Variants in SGCZ observed in about 807,000 individuals in gnomAD.
SGCZ encodes zeta-sarcoglycan.
In SGCZ, 40 loss-of-function variants were observed where a neutral mutation model predicts 41.3. That is an observed-to-expected ratio of 0.97 (90% CI 0.75 to 1.26). The LOEUF is 1.26. Among genes scored for constraint, SGCZ ranks in the 50% most tolerant of loss-of-function variants. The pLI is 0.00. For synonymous variants in SGCZ, 206 were observed against 137.5 expected (o/e 1.50, Z -3.49); for missense variants, 552 against 369.8 (o/e 1.49, Z -4.04).
chr8:14,413,698 T>C (rs1040697437), intron 2 of SGCZ, among the ~76,000 whole-genome samples: 26 of 152,036 alleles, frequency 1.7e-4, no homozygotes, highest in African/African-American at 5.6e-4. Context: ...ATTTCCTTTT[T>C]TGAGAGCACT....
Position 14,710,495 on chromosome 8 carries a change from C to G in SGCZ, c.40-155569G>C, listed in dbSNP as rs1011580708. 4.6e-4 allele frequency among the ~76,000 whole-genome samples: 70 copies of G among 151,782 alleles called. 1 individual carries two copies. Among genetic ancestry groups the G allele is most frequent in the African/African-American group, 1.2e-3 (50 of 41,374 alleles). On this transcript the variant is annotated intron_variant, in intron 1 of 7. Coordinates refer to ENST00000382080, the MANE Select transcript of SGCZ (RefSeq NM_139167.4). ...CTTCAAGTGATTCTGAGAAACCGATCCTTGGCCTATGATTAATAATTTAGA... is the reference window on the plus strand; with the variant it reads ...CTTCAAGTGATTCTGAGAAACCGATGCTTGGCCTATGATTAATAATTTAGA...
At chr8:14,880,330 T>G (rs985775988) in intron 1 of SGCZ, among the ~76,000 whole-genome samples, 8 of 152,030 alleles carry the variant, frequency 5.3e-5, no homozygotes, top group Non-Finnish European at 7.4e-5. Flanking sequence ...TGTGGAGAAA[T>G]AGGAACACTT....
At chr8:14,230,206 G>C (rs895938475) in intron 4 of SGCZ, among the ~76,000 whole-genome samples, 6 of 151,946 alleles carry the variant, frequency 3.9e-5, no homozygotes, top group Admixed American at 1.3e-4. Context: ...TCATTATTTA[G>C]ACTTGGAACA....
chr8:14,347,666 T>C (rs1007891158), intron 2 of SGCZ, among the ~76,000 whole-genome samples: 11 of 151,790 alleles, frequency 7.2e-5, no homozygotes. Flanking sequence ...CAAGATTAAA[T>C]AAAATTATTT....
At chr8:14,509,362 A>G (rs1182011545) in intron 2 of SGCZ, among the ~76,000 whole-genome samples, 1 of 152,214 alleles carries the variant, frequency 6.6e-6, no homozygotes, top group South Asian at 2.1e-4. Context: ...TTTGCAACTT[A>G]AATGCAAAAG....
intron 4 of SGCZ, among the ~76,000 whole-genome samples, chr8:14,170,879 T>C (rs1350105025): frequency 6.6e-6 from 1 of 152,088 alleles, no homozygotes; most frequent in African/African-American, 2.4e-5. Context: ...GTAGAATCAA[T>C]GAATACTTAA....
rs1285196530 is a variant in SGCZ at position 14,953,620 on chromosome 8, T to C, written c.39+283965A>G. Among the ~76,000 whole-genome samples, 4 of 152,268 alleles carry C rather than the reference T, an allele frequency of 2.6e-5. No homozygotes were observed. The East Asian group carries it at 7.7e-4, about 29-fold the overall frequency. ...GACCCCAGCTCTGAAGACAGATGTGTAGTTCTCCGGTTCATTTCACCACTT... is the reference window on the plus strand; with the variant it reads ...GACCCCAGCTCTGAAGACAGATGTGCAGTTCTCCGGTTCATTTCACCACTT... On this transcript the variant is annotated intron_variant, in intron 1 of 7. Coordinates refer to ENST00000382080, the MANE Select transcript of SGCZ (RefSeq NM_139167.4).
intron 1 of SGCZ, among the ~76,000 whole-genome samples, chr8:14,867,240 A>C (rs1223867509): frequency 6.6e-6 from 1 of 152,128 alleles, no homozygotes; most frequent in African/African-American, 2.4e-5. Flanking sequence ...GAAGTAGGAT[A>C]ATGGTCTCGA....
intron 1 of SGCZ, among the ~76,000 whole-genome samples, chr8:15,050,395 A>G (rs1165102064): frequency 6.6e-6 from 1 of 152,172 alleles, no homozygotes; most frequent in Non-Finnish European, 1.5e-5. Flanking sequence ...ACCTTGGAAG[A>G]AAAGGGATCG....
chr8:14,315,026 C>T (rs12546389), intron 3 of SGCZ, among the ~76,000 whole-genome samples: 101,492 of 152,010 alleles, frequency 0.67, 34,455 homozygotes, highest in Non-Finnish European at 0.75. Flanking sequence ...ATATTTGCTA[C>T]GGATTAATTA....
chr8:14,433,317 G>C (rs1160040654), intron 2 of SGCZ, among the ~76,000 whole-genome samples: 1 of 152,124 alleles, frequency 6.6e-6, no homozygotes, highest in East Asian at 1.9e-4. Flanking sequence ...TAGTGATTAA[G>C]TGTCCACTCT....
intron 4 of SGCZ, among the ~76,000 whole-genome samples, chr8:14,186,143 T>C (rs1281260411): frequency 1.3e-5 from 2 of 152,216 alleles, no homozygotes; most frequent in Admixed American, 6.5e-5. Flanking sequence ...CTCAGGTTCC[T>C]TTTCTGTAAT....
chr8:14,735,893 G>A (rs1799014241), intron 1 of SGCZ, among the ~76,000 whole-genome samples: 1 of 152,074 alleles, frequency 6.6e-6, no homozygotes, highest in Non-Finnish European at 1.5e-5. Context: ...GAGGCACCAA[G>A]AGCGAGTAAA....
chr8:15,034,684 AACCAAGAGAGG>A lies in SGCZ; in HGVS notation c.39+202890_39+202900del, dbSNP rs1803808092. Among the ~76,000 whole-genome samples the A allele has an allele frequency of 2.6e-5, 4 of 152,248 alleles. No homozygotes were observed. The South Asian group carries it at 8.3e-4, about 32-fold the overall frequency. ...TATAACCAAATGGTTGAAAGTATAAAACCAAGAGAGGACCCTGAAAGCAGCATGAGAAAAGA... is the reference window on the plus strand; with the variant it reads ...TATAACCAAATGGTTGAAAGTATAAAACCCTGAAAGCAGCATGAGAAAAGA... On this transcript the variant is annotated intron_variant, in intron 1 of 7. Transcript: ENST00000382080.
At chr8:15,096,787 G>A (rs1806362539) in intron 1 of SGCZ, among the ~76,000 whole-genome samples, 1 of 152,054 alleles carries the variant, frequency 6.6e-6, no homozygotes, top group African/African-American at 2.4e-5. Context: ...CAGAGTTCAA[G>A]GGATTCCCCT....
intron 4 of SGCZ, among the ~76,000 whole-genome samples, chr8:14,202,138 T>C (rs1204393324): frequency 6.6e-6 from 1 of 151,900 alleles, no homozygotes; most frequent in African/African-American, 2.4e-5. Context: ...CATTACAGAG[T>C]CCTTAGGATT....
chr8:14,603,194 A>G, intron 1 of SGCZ, among the ~76,000 whole-genome samples: 1 of 152,186 alleles, frequency 6.6e-6, no homozygotes, highest in East Asian at 1.9e-4. Context: ...TAGCTTTGGA[A>G]ATAAACGGCT....
At chr8:15,109,557 T>C (rs1482817780) in intron 1 of SGCZ, among the ~76,000 whole-genome samples, 1 of 152,184 alleles carries the variant, frequency 6.6e-6, no homozygotes, top group Admixed American at 6.5e-5. Context: ...CATTACAGGA[T>C]GTCTGTATCT....
chr8:15,048,911 C>CA (rs1335004659), intron 1 of SGCZ, among the ~76,000 whole-genome samples: 1 of 152,040 alleles, frequency 6.6e-6, no homozygotes, highest in East Asian at 1.9e-4. Flanking sequence ...TTGCTCTCCT[C>CA]AAAAAACTTG....
Sources: gnomAD v4.1 joint callset for allele counts (sites outside exome capture counted in the v4.1 genomes callset) on GRCh38, gnomAD v4.1.1 for gene constraint, MANE v1.5 for transcripts, NCBI Gene and HGNC (gene_info 2026-07-23, HGNC 2026-07-21) for gene names.